The following LUZP2 variants were observed in gnomAD, a reference collection of about 807,000 sequenced individuals.
LUZP2 encodes the protein leucine zipper protein 2.
In LUZP2, 52 loss-of-function variants were observed where a neutral mutation model predicts 51.6. That is an observed-to-expected ratio of 1.01 (90% CI 0.81 to 1.27). The LOEUF is 1.27. LUZP2 is among the 50% of genes most tolerant of loss of function. The pLI is 0.00. For synonymous variants in LUZP2, 154 were observed against 137.3 expected, an observed-to-expected ratio of 1.12 and a Z score of -0.85; for missense variants, 436 against 395.4, an observed-to-expected ratio of 1.10 and a Z score of -0.87.
At chr11:24,815,010 A>T (rs564161674) in intron 5 of LUZP2, among the ~76,000 whole-genome samples, 4,493 of 150,376 alleles carry the variant, frequency 0.03, 156 homozygotes, top group African/African-American at 0.07. Context: ...AAAAAAATAA[A>T]AATAATCAAT....
Position 24,516,756 on chromosome 11 carries a change from G to A in LUZP2, c.62+19451G>A, listed in dbSNP as rs1056907549. ...TGTAATATTTTACAAAACAATGTAG[G>A]TAAGGAAGAAGGCAAATCTATAATT... On this transcript the variant is annotated intron_variant, in intron 1 of 11. Coordinates refer to ENST00000336930, the MANE Select transcript of LUZP2 (RefSeq NM_001009909.4). 5.9e-5 allele frequency among the ~76,000 whole-genome samples: 9 copies of A among 152,106 alleles called. 1 individual carries two copies. Among genetic ancestry groups the A allele is most frequent in the African/African-American group, 1.9e-4 (8 of 41,394 alleles).
intron 4 of LUZP2, among the ~76,000 whole-genome samples, chr11:24,755,116 G>T (rs1357069411): frequency 6.6e-6 from 1 of 151,648 alleles, no homozygotes; most frequent in Non-Finnish European, 1.5e-5. Context: ...TTGCACTCCA[G>T]TCTGGGTGAC....
At chr11:25,057,994 A>G (rs1858735938) in intron 10 of LUZP2, among the ~76,000 whole-genome samples, 1 of 151,710 alleles carries the variant, frequency 6.6e-6, no homozygotes, top group Non-Finnish European at 1.5e-5. Context: ...GGTTTGGATG[A>G]GTTGTTGGTA....
chr11:24,734,872 A>G (rs986402072), intron 3 of LUZP2, among the ~76,000 whole-genome samples: 2 of 151,792 alleles, frequency 1.3e-5, no homozygotes, highest in Non-Finnish European at 2.9e-5. Flanking sequence ...CTGGCTCTCA[A>G]TTATTACCTT....
intron 7 of LUZP2, among the ~76,000 whole-genome samples, chr11:24,954,004 A>G (rs1422040735): frequency 6.6e-6 from 1 of 152,048 alleles, no homozygotes; most frequent in Non-Finnish European, 1.5e-5. Context: ...CAACTGGTAA[A>G]TAATCATCTT....
At chr11:24,681,135 C>A (rs1205513248) in intron 1 of LUZP2, among the ~76,000 whole-genome samples, 1 of 152,088 alleles carries the variant, frequency 6.6e-6, no homozygotes, top group Non-Finnish European at 1.5e-5. Context: ...GCGCCCGCCA[C>A]CGCGCCCAGC....
rs376746263 is a variant in LUZP2 at position 24,515,292 on chromosome 11, A to T, written c.62+17987A>T. Among the ~76,000 whole-genome samples, 448 of 152,152 alleles carry T rather than the reference A, an allele frequency of 2.9e-3. 3 individuals are homozygous for T. The highest frequency in any genetic ancestry group is 0.011 in the African/African-American group (436 of 41,480). ...GAATACTACACATCCTCTGTAACTT[A>T]CTCTCTTCCTACAGAAGTTTAGTCT... On this transcript the variant is annotated intron_variant, in intron 1 of 11. Transcript: ENST00000336930.
intron 5 of LUZP2, among the ~76,000 whole-genome samples, chr11:24,862,258 A>G (rs1590655347): frequency 6.6e-6 from 1 of 152,202 alleles, no homozygotes; most frequent in Non-Finnish European, 1.5e-5. Flanking sequence ...ATTCTTAAAG[A>G]AAAGAATTTT....
At position 24,996,569 on chromosome 11, in the gene LUZP2, CTTTTTTTATT is replaced by C. The variant is rs1191601988; in HGVS notation, c.765+13279_765+13288del. Among the ~76,000 whole-genome samples, 455 of 141,656 alleles carry C rather than the reference CTTTTTTTATT, an allele frequency of 3.2e-3. 2 individuals are homozygous for C. Among genetic ancestry groups the C allele is most frequent in the African/African-American group, 0.012 (436 of 35,300 alleles). The allele number at this position is 141,656 out of a possible 152,430, so 92.9% of individuals were successfully genotyped here. A position where few individuals can be genotyped will look rare whatever the true frequency, so the allele number is the denominator to read the frequency against. Reference sequence around the variant, plus strand: ...TATTCAGATATTATTTTTCTTTTTTCTTTTTTTATTTTATTTTATTTTATTTTATTTTATT... The same window carrying C: ...TATTCAGATATTATTTTTCTTTTTTCTTATTTTATTTTATTTTATTTTATT... On this transcript the variant is annotated intron_variant, in intron 9 of 11. Coordinates refer to ENST00000336930, the MANE Select transcript of LUZP2 (RefSeq NM_001009909.4).
intron 5 of LUZP2, among the ~76,000 whole-genome samples, chr11:24,871,033 A>G (rs1010290162): frequency 6.6e-6 from 1 of 152,010 alleles, no homozygotes; most frequent in African/African-American, 2.4e-5. Flanking sequence ...TCTACATTAT[A>G]TTTAGGTCCA....
At chr11:24,709,682 C>G (rs1307529564) in intron 1 of LUZP2, among the ~76,000 whole-genome samples, 2 of 152,128 alleles carry the variant, frequency 1.3e-5, no homozygotes, top group African/African-American at 4.8e-5. Context: ...TAATAATAAT[C>G]TGAGATAGCA....
chr11:24,622,304 G>T (rs1854524171), intron 1 of LUZP2, among the ~76,000 whole-genome samples: 1 of 150,620 alleles, frequency 6.6e-6, no homozygotes, highest in South Asian at 2.1e-4. Context: ...ACAGGCCCCA[G>T]TGTGTGATGT....
chr11:24,667,286 C>T (rs537290598), intron 1 of LUZP2, among the ~76,000 whole-genome samples: 62 of 148,742 alleles, frequency 4.2e-4, no homozygotes, highest in South Asian at 6.3e-4. Context: ...CGGATTGAAG[C>T]GATTCTCCTG....
At chr11:24,595,237 A>T (rs1050405904) in intron 1 of LUZP2, among the ~76,000 whole-genome samples, 3 of 150,806 alleles carry the variant, frequency 2.0e-5, no homozygotes, top group Non-Finnish European at 4.4e-5. Flanking sequence ...GGTTTTTATT[A>T]CATGGGCCGA....
At chr11:24,661,306 C>T (rs986440514) in intron 1 of LUZP2, among the ~76,000 whole-genome samples, 5 of 152,170 alleles carry the variant, frequency 3.3e-5, no homozygotes, top group Non-Finnish European at 2.9e-5. Context: ...TATTCTGCCT[C>T]ATTGCTATGT....
chr11:24,499,810 C>A (rs1253156603), intron 1 of LUZP2, among the ~76,000 whole-genome samples: 1 of 151,988 alleles, frequency 6.6e-6, no homozygotes, highest in Non-Finnish European at 1.5e-5. Flanking sequence ...TCTCTGAGTG[C>A]ATTGCCTTAA....
intron 5 of LUZP2, among the ~76,000 whole-genome samples, chr11:24,805,874 G>T (rs555980612): frequency 1.3e-5 from 2 of 152,128 alleles, no homozygotes; most frequent in Non-Finnish European, 2.9e-5. Flanking sequence ...GAAATTTTTG[G>T]ATGACATTGT....
chr11:24,653,294 T>C (rs542753934), intron 1 of LUZP2, among the ~76,000 whole-genome samples: 7 of 152,160 alleles, frequency 4.6e-5, no homozygotes, highest in African/African-American at 1.4e-4. Flanking sequence ...CCGAATTGAA[T>C]GTTGGGAGTG....
intron 5 of LUZP2, among the ~76,000 whole-genome samples, chr11:24,799,484 T>A (rs1236488938): frequency 1.3e-5 from 2 of 151,580 alleles, no homozygotes; most frequent in Non-Finnish European, 2.9e-5. Context: ...TAATCCCAGC[T>A]ACTCAGAGGC....
Sources: gnomAD v4.1 joint callset for allele counts (sites outside exome capture counted in the v4.1 genomes callset) on GRCh38, gnomAD v4.1.1 for gene constraint, MANE v1.5 for transcripts, NCBI Gene and HGNC (gene_info 2026-07-23, HGNC 2026-07-21) for gene names.